The following FGD4 variants were observed in gnomAD, a reference collection of about 807,000 sequenced individuals.
The protein encoded by FGD4 is FYVE, RhoGEF and PH domain containing 4, also known as FYVE, RhoGEF and PH domain-containing protein 4.
FGD4 carries 42 observed loss-of-function variants against 102.0 expected under a neutral mutation model. That is an observed-to-expected ratio of 0.41 (90% CI 0.32 to 0.53). The LOEUF (loss-of-function observed/expected upper bound fraction) is 0.53. FGD4 is among the 20% of genes least tolerant of loss of function. The probability of loss-of-function intolerance (pLI) is 0.21; values close to 1 mark genes in which losing one functional copy is unlikely to be tolerated. For synonymous variants in FGD4, 380 were observed against 375.7 expected (o/e 1.01, Z -0.13); for missense variants, 902 against 1,078.2 (o/e 0.84, Z 2.29).
At position 32,611,132 on chromosome 12, in the gene FGD4, C is replaced by T; in HGVS notation, c.1603-5C>T. ...GTATGTGATCTTGCTGTTTTAATTTCCTAGGAGAACCTAAAGAAACTCTTA... is the reference window on the plus strand; with the variant it reads ...GTATGTGATCTTGCTGTTTTAATTTTCTAGGAGAACCTAAAGAAACTCTTA... On this transcript the variant is annotated splice_region_variant and splice_polypyrimidine_tract_variant and intron_variant, in intron 9 of 16. Transcript: ENST00000534526. 6.2e-7 allele frequency: 1 copy of T among 1,613,910 alleles called. No homozygotes were observed.
At chr12:32,432,634 T>C (rs1233970764) in intron 1 of FGD4, among the ~76,000 whole-genome samples, 1 of 150,908 alleles carries the variant, frequency 6.6e-6, no homozygotes, top group Admixed American at 6.6e-5. Flanking sequence ...TAATAGGGGT[T>C]GGCCCTTCAT....
At chr12:32,622,041 C>T (rs1234296279) in intron 11 of FGD4, among the ~76,000 whole-genome samples, 1 of 152,136 alleles carries the variant, frequency 6.6e-6, no homozygotes, top group Non-Finnish European at 1.5e-5. Context: ...GTGCCTGCCA[C>T]CAAGCCCGAC....
At chr12:32,471,892 A>T (rs1943424084) in intron 1 of FGD4, among the ~76,000 whole-genome samples, 2 of 152,210 alleles carry the variant, frequency 1.3e-5, no homozygotes, top group African/African-American at 4.8e-5. Context: ...GGCCCAGCCT[A>T]CATCAGTGTG....
chr12:32,600,838 T>TA (rs2136644584), intron 5 of FGD4, among the ~76,000 whole-genome samples: 1 of 152,230 alleles, frequency 6.6e-6, no homozygotes, highest in East Asian at 1.9e-4. Context: ...AAATGAGACT[T>TA]ATGTCAGCAA....
chr12:32,578,830 T>TAAAAAAAA (rs552651115), intron 3 of FGD4, among the ~76,000 whole-genome samples: 1 of 142,208 alleles, frequency 7.0e-6, no homozygotes, highest in Non-Finnish European at 1.5e-5. Context: ...GACCCTGCCT[T>TAAAAAAAA]AAAAAAAAAA....
chr12:32,461,538 G>C (rs1943103849), intron 1 of FGD4, among the ~76,000 whole-genome samples: 1 of 152,110 alleles, frequency 6.6e-6, no homozygotes, highest in African/African-American at 2.4e-5. Flanking sequence ...TTTAGCAGAA[G>C]TGGAATTTGA....
intron 1 of FGD4, among the ~76,000 whole-genome samples, chr12:32,433,798 C>T (rs980781641): frequency 6.6e-6 from 1 of 152,060 alleles, no homozygotes; most frequent in Non-Finnish European, 1.5e-5. Context: ...ATGAAACATC[C>T]TTCTGTAAAG....
intron 1 of FGD4, among the ~76,000 whole-genome samples, chr12:32,449,808 C>T (rs1942719225): frequency 6.6e-6 from 1 of 152,078 alleles, no homozygotes; most frequent in African/African-American, 2.4e-5. Context: ...TGCAATCACA[C>T]CTTACTTCCT....
chr12:32,449,192 T>C (rs1942703423), intron 1 of FGD4, among the ~76,000 whole-genome samples: 1 of 152,248 alleles, frequency 6.6e-6, no homozygotes, highest in Non-Finnish European at 1.5e-5. Flanking sequence ...TTTAGTGCCT[T>C]TGTTTTTTTG....
chr12:32,497,686 C>T (rs1937907806), intron 1 of FGD4, among the ~76,000 whole-genome samples: 1 of 152,112 alleles, frequency 6.6e-6, no homozygotes, highest in African/African-American at 2.4e-5. Flanking sequence ...ACAAGTAAAA[C>T]CAGTAGCAGA....
intron 1 of FGD4, among the ~76,000 whole-genome samples, chr12:32,474,016 A>G (rs1196941523): frequency 1.3e-5 from 2 of 151,904 alleles, no homozygotes; most frequent in Non-Finnish European, 2.9e-5. Context: ...TGAACCCAGG[A>G]GGCAGAGGTT....
At chr12:32,534,196 A>C in intron 1 of FGD4, 4 of 731,228 alleles carry the variant, frequency 5.5e-6, no homozygotes, top group Non-Finnish European at 7.2e-6. Flanking sequence ...TGATAAATAG[A>C]AGTCTCTCTG....
intron 1 of FGD4, among the ~76,000 whole-genome samples, chr12:32,551,223 G>A (rs1943645721): frequency 6.6e-6 from 1 of 152,198 alleles, no homozygotes; most frequent in Admixed American, 6.5e-5. Flanking sequence ...AGCAGACAGG[G>A]CAGACCTAGA....
At chr12:32,637,599 G>GAATGAATAAATAAATAAATAAATA (rs140822380) in intron 15 of FGD4, 194 of 147,186 alleles carry the variant, frequency 1.3e-3, no homozygotes, top group African/African-American at 4.6e-3. Context: ...CCATCTCTAT[G>GAATGAATAAATAAATAAATAAATA]AATAAATAAA....
At chr12:32,538,821 A>G (rs1414476823) in intron 1 of FGD4, among the ~76,000 whole-genome samples, 5 of 152,106 alleles carry the variant, frequency 3.3e-5, no homozygotes, top group Admixed American at 3.3e-4. Context: ...TGGGAGGCCA[A>G]GGAGGGAAGA....
At chr12:32,410,846 G>A (rs898222889) in intron 1 of FGD4, among the ~76,000 whole-genome samples, 1 of 151,986 alleles carries the variant, frequency 6.6e-6, no homozygotes, top group Admixed American at 6.6e-5. Flanking sequence ...GTCCCCTGGA[G>A]CCTCTGACAG....
intron 1 of FGD4, among the ~76,000 whole-genome samples, chr12:32,425,486 C>A (rs1449492225): frequency 6.6e-6 from 1 of 152,148 alleles, no homozygotes; most frequent in African/African-American, 2.4e-5. Context: ...CCTTGCAGTA[C>A]AGTTTGAAGT....
chr12:32,624,670 T>C, intron 12 of FGD4: 1 of 674,332 alleles, frequency 1.5e-6, no homozygotes, highest in East Asian at 2.8e-5. Flanking sequence ...GACGAGGTTT[T>C]GCCATGCTGC....
chr12:32,457,697 A>G (rs1200318094), intron 1 of FGD4, among the ~76,000 whole-genome samples: 2 of 152,102 alleles, frequency 1.3e-5, no homozygotes, highest in Non-Finnish European at 1.5e-5. Context: ...TGTTTACTGG[A>G]CTCTTACTAA....
Sources: gnomAD v4.1 joint callset for allele counts (sites outside exome capture counted in the v4.1 genomes callset) on GRCh38, gnomAD v4.1.1 for gene constraint, MANE v1.5 for transcripts, NCBI Gene and HGNC (gene_info 2026-07-23, HGNC 2026-07-21) for gene names.